MAP6: variants seen among roughly 807,000 people sequenced by gnomAD.
MAP6 encodes the protein microtubule-associated protein 6.
In MAP6, 26 loss-of-function variants were observed where a neutral mutation model predicts 42.4. The observed-to-expected ratio is 0.61, with a 90% confidence interval of 0.45 to 0.85. MAP6 has a LOEUF of 0.85. MAP6 is among the 40% of genes least tolerant of loss of function. The probability of loss-of-function intolerance (pLI) is 0.00; values close to 1 mark genes in which losing one functional copy is unlikely to be tolerated. For missense variants in MAP6, 966 were observed against 1,099.0 expected (o/e 0.88, Z 1.71); for synonymous variants, 418 against 443.8 (o/e 0.94, Z 0.73).
intron 1 of MAP6, among the ~76,000 whole-genome samples, chr11:75,611,940 C>T (rs147549162): frequency 6.6e-6 from 1 of 152,394 alleles, no homozygotes; most frequent in African/African-American, 2.4e-5. Flanking sequence ...TCAGGCTCCA[C>T]AGCCCACAGC....
intron 1 of MAP6, among the ~76,000 whole-genome samples, chr11:75,638,971 A>C (rs1331865166): frequency 1.3e-5 from 2 of 152,248 alleles, no homozygotes; most frequent in Admixed American, 6.5e-5. Flanking sequence ...TCAGCCACAA[A>C]AGACAATGAA....
intron 1 of MAP6, among the ~76,000 whole-genome samples, chr11:75,624,071 T>G (rs1429281512): frequency 6.6e-6 from 1 of 152,158 alleles, no homozygotes; most frequent in African/African-American, 2.4e-5. Context: ...CCAACTAACC[T>G]TCTCTGGCTT....
intron 1 of MAP6, among the ~76,000 whole-genome samples, chr11:75,628,170 A>G (rs552553607): frequency 1.3e-5 from 2 of 152,164 alleles, no homozygotes; most frequent in South Asian, 4.1e-4. Context: ...TGCTGGAGCA[A>G]AGAATGCACG....
chr11:75,629,806 C>A (rs545455338), intron 1 of MAP6, among the ~76,000 whole-genome samples: 1 of 152,086 alleles, frequency 6.6e-6, no homozygotes, highest in East Asian at 1.9e-4. Flanking sequence ...ACAGTGAGGG[C>A]ATTGCCGGGA....
chr11:75,618,233 G>A (rs959259653), intron 1 of MAP6, among the ~76,000 whole-genome samples: 5 of 151,832 alleles, frequency 3.3e-5, no homozygotes, highest in African/African-American at 1.2e-4. Flanking sequence ...TTTTATAAGG[G>A]AATACTGGGA....
chr11:75,630,181 A>T (rs1357900682), intron 1 of MAP6, among the ~76,000 whole-genome samples: 1 of 152,202 alleles, frequency 6.6e-6, no homozygotes, highest in African/African-American at 2.4e-5. Context: ...GCCCAGTTAG[A>T]GAACCAGCAT....
chr11:75,612,826 C>T (rs1179610884), intron 1 of MAP6, among the ~76,000 whole-genome samples: 1 of 152,226 alleles, frequency 6.6e-6, no homozygotes, highest in Admixed American at 6.5e-5. Context: ...CCAGGAACCT[C>T]TCCTGGGTTA....
intron 1 of MAP6, among the ~76,000 whole-genome samples, chr11:75,642,179 G>A (rs1303369023): frequency 1.3e-5 from 2 of 152,158 alleles, no homozygotes; most frequent in South Asian, 2.1e-4. Flanking sequence ...GTGCTTCTGC[G>A]CAGCTCTTCC....
At chr11:75,631,943 C>G (rs890994584) in intron 1 of MAP6, among the ~76,000 whole-genome samples, 1 of 152,198 alleles carries the variant, frequency 6.6e-6, no homozygotes, top group Admixed American at 6.5e-5. Flanking sequence ...AAGTGAATTT[C>G]TAGCAATGGT....
chr11:75,644,822 T>TC, intron 1 of MAP6, among the ~76,000 whole-genome samples: 1 of 152,124 alleles, frequency 6.6e-6, no homozygotes, highest in Admixed American at 6.5e-5. Flanking sequence ...AGCTCCCCTC[T>TC]CCCCCACAAA....
intron 3 of MAP6, chr11:75,602,935 A>G: frequency 1.0e-6 from 1 of 985,854 alleles, no homozygotes; most frequent in Non-Finnish European, 1.2e-6. Flanking sequence ...AGCACAGACC[A>G]CAAGCACGTC....
Position 75,620,176 on chromosome 11 carries a change from T to C in MAP6, c.906-11854A>G, listed in dbSNP as rs146226664. Among the ~76,000 whole-genome samples, 490 of 152,014 alleles carry C rather than the reference T, an allele frequency of 3.2e-3. 2 individuals are homozygous for C. The highest frequency in any genetic ancestry group is 0.011 in the African/African-American group (475 of 41,472). On this transcript the variant is annotated intron_variant, in intron 1 of 3. Transcript: ENST00000304771. ...AATCCTAACAACTTCTTTTAGAAAA[T>C]AGAGAAAAAGAGGCTGGGCATGGTG...
chr11:75,614,420 G>A (rs1246066883), intron 1 of MAP6, among the ~76,000 whole-genome samples: 1 of 152,168 alleles, frequency 6.6e-6, no homozygotes, highest in Non-Finnish European at 1.5e-5. Flanking sequence ...AAGATGGTGG[G>A]AGTGGTGGTG....
intron 1 of MAP6, among the ~76,000 whole-genome samples, chr11:75,618,894 G>A (rs553893560): frequency 5.9e-5 from 9 of 152,266 alleles, no homozygotes; most frequent in African/African-American, 9.6e-5. Context: ...GGGACCCCTC[G>A]GCCACTGCCC....
chr11:75,656,430 G>C (rs769056409), intron 1 of MAP6, among the ~76,000 whole-genome samples: 3 of 152,208 alleles, frequency 2.0e-5, no homozygotes, highest in Non-Finnish European at 4.4e-5. Flanking sequence ...ATAACGATGT[G>C]TATTATGTAA....
At chr11:75,645,767 T>C (rs1477482446) in intron 1 of MAP6, among the ~76,000 whole-genome samples, 1 of 152,062 alleles carries the variant, frequency 6.6e-6, no homozygotes, top group East Asian at 1.9e-4. Flanking sequence ...AGAAATGAAG[T>C]ATCATAGAAA....
At chr11:75,609,547 C>G (rs1376973580) in intron 1 of MAP6, among the ~76,000 whole-genome samples, 1 of 152,186 alleles carries the variant, frequency 6.6e-6, no homozygotes, top group Admixed American at 6.5e-5. Flanking sequence ...TGCTGGCAGG[C>G]CTTTCCCTGC....
intron 1 of MAP6, among the ~76,000 whole-genome samples, chr11:75,629,699 C>G (rs1432723459): frequency 6.6e-6 from 1 of 152,080 alleles, no homozygotes; most frequent in African/African-American, 2.4e-5. Flanking sequence ...AGTGTCATAA[C>G]CAAATAATTA....
intron 1 of MAP6, among the ~76,000 whole-genome samples, chr11:75,650,608 C>T (rs745783595): frequency 6.6e-6 from 1 of 152,062 alleles, no homozygotes; most frequent in Non-Finnish European, 1.5e-5. Context: ...TCCATGCTCA[C>T]CTCTGAGTAT....
Sources: allele counts gnomAD v4.1 joint callset (sites outside exome capture counted in the v4.1 genomes callset), GRCh38; gene constraint gnomAD v4.1.1; transcripts MANE v1.5; gene names NCBI Gene and HGNC (gene_info 2026-07-23, HGNC 2026-07-21).